VSTM4: variants seen among roughly 807,000 people sequenced by gnomAD.
VSTM4 encodes the protein V-set and transmembrane domain-containing protein 4.
Under a neutral mutation model 36.4 loss-of-function variants are expected in VSTM4, and 20 were observed. The observed-to-expected ratio is 0.55, with a 90% CI of 0.39 to 0.80. The LOEUF (loss-of-function observed/expected upper bound fraction) is 0.80, where lower values mean the gene tolerates loss of function less well. Among genes scored for constraint, VSTM4 ranks in the 30% least tolerant of loss-of-function variants. The pLI, the probability that VSTM4 is intolerant of heterozygous loss-of-function variation, is 0.00. For missense variants in VSTM4, 392 were observed against 404.5 expected, an observed-to-expected ratio of 0.97 and a Z score of 0.26; for synonymous variants, 182 against 173.9, an observed-to-expected ratio of 1.05 and a Z score of -0.37.
chr10:49,096,688 C>T (rs1000900225), intron 2 of VSTM4, among the ~76,000 whole-genome samples: 22 of 141,702 alleles, frequency 1.6e-4, no homozygotes, highest in African/African-American at 3.6e-4. Flanking sequence ...GAGTTTTGCT[C>T]TTGTTGCCCA....
intron 7 of VSTM4, 151 bp from the exon 8 acceptor site, chr10:49,019,926 A>C: frequency 1.0e-6 from 1 of 997,568 alleles, no homozygotes. Context: ...CATAATATCC[A>C]ATAACATAAT....
At chr10:49,073,965 C>T (rs1230545005) in intron 4 of VSTM4, among the ~76,000 whole-genome samples, 1 of 152,214 alleles carries the variant, frequency 6.6e-6, no homozygotes, top group Non-Finnish European at 1.5e-5. Flanking sequence ...TCATTAAAAA[C>T]CCTACCAACA....
intron 2 of VSTM4, among the ~76,000 whole-genome samples, chr10:49,099,278 G>A (rs181411255): frequency 1.1e-4 from 17 of 152,304 alleles, no homozygotes; most frequent in South Asian, 4.1e-4. Flanking sequence ...GAATCCTTTC[G>A]CAGAGAGAGC....
chr10:49,055,699 G>A (rs1162826817), intron 5 of VSTM4, among the ~76,000 whole-genome samples: 1 of 152,190 alleles, frequency 6.6e-6, no homozygotes, highest in Non-Finnish European at 1.5e-5. Context: ...CATATGCCAG[G>A]AGCTGCTTAA....
chr10:49,096,262 C>T (rs1040935713), intron 2 of VSTM4, among the ~76,000 whole-genome samples: 6 of 152,224 alleles, frequency 3.9e-5, no homozygotes, highest in Non-Finnish European at 8.8e-5. Flanking sequence ...AATTTCCTCT[C>T]ACACTTTGGG....
At chr10:49,063,335 CAT>C (rs1195140849) in intron 5 of VSTM4, among the ~76,000 whole-genome samples, 2 of 152,104 alleles carry the variant, frequency 1.3e-5, no homozygotes. Flanking sequence ...AACTCCATCT[CAT>C]AGAAAGAAAA....
chr10:49,097,488 A>G (rs1255013797), intron 2 of VSTM4, among the ~76,000 whole-genome samples: 2 of 152,182 alleles, frequency 1.3e-5, no homozygotes, highest in Non-Finnish European at 2.9e-5. Flanking sequence ...AATGTCTTAG[A>G]CTTGGGGACA....
intron 4 of VSTM4, among the ~76,000 whole-genome samples, chr10:49,074,600 G>A (rs1844140483): frequency 6.6e-6 from 1 of 152,186 alleles, no homozygotes; most frequent in African/African-American, 2.4e-5. Context: ...TCCATCCTTG[G>A]CCCCACAGTG....
chr10:49,022,236 T>C (rs1843192748), intron 7 of VSTM4, among the ~76,000 whole-genome samples: 3 of 152,238 alleles, frequency 2.0e-5, no homozygotes, highest in Non-Finnish European at 1.5e-5. Context: ...CTGCTCTTTA[T>C]AAGGATGTCA....
intron 4 of VSTM4, among the ~76,000 whole-genome samples, chr10:49,067,884 G>A (rs1371203095): frequency 2.0e-5 from 3 of 152,074 alleles, no homozygotes; most frequent in African/African-American, 4.8e-5. Context: ...ACCGAAATCC[G>A]AAGATGCTCA....
At chr10:49,071,957 G>A (rs1288754657) in intron 4 of VSTM4, among the ~76,000 whole-genome samples, 1 of 152,230 alleles carries the variant, frequency 6.6e-6, no homozygotes, top group African/African-American at 2.4e-5. Flanking sequence ...GTTCTCAGTA[G>A]TGTATAGATG....
chr10:49,042,997 C>G (rs1178210683), intron 7 of VSTM4, among the ~76,000 whole-genome samples: 2 of 152,094 alleles, frequency 1.3e-5, no homozygotes, highest in African/African-American at 4.8e-5. Context: ...GGCCCTGACA[C>G]AGGAACATGC....
chr10:49,052,275 C>T (rs2246238), intron 5 of VSTM4, among the ~76,000 whole-genome samples: 143,587 of 152,270 alleles, frequency 0.94, 68,277 homozygotes, highest in East Asian at 1. Context: ...CTTAACACCA[C>T]TTGTCAATTT....
At chr10:49,095,330 C>T (rs889623311) in intron 2 of VSTM4, among the ~76,000 whole-genome samples, 3 of 152,126 alleles carry the variant, frequency 2.0e-5, no homozygotes, top group African/African-American at 7.2e-5. Flanking sequence ...GCTTGGATCA[C>T]TCATTCACTC....
At chr10:49,081,809 C>T (rs536636756) in intron 3 of VSTM4, among the ~76,000 whole-genome samples, 1 of 152,354 alleles carries the variant, frequency 6.6e-6, no homozygotes, top group South Asian at 2.1e-4. Flanking sequence ...GTCATGGCCA[C>T]TCTCTGTTTT....
chr10:49,027,491 G>C (rs887988109), intron 7 of VSTM4, among the ~76,000 whole-genome samples: 1 of 152,032 alleles, frequency 6.6e-6, no homozygotes, highest in Admixed American at 6.6e-5. Flanking sequence ...ATTGAGTTTT[G>C]AGGTGCCCAG....
At chr10:49,050,854 T>C (rs1184253491) in intron 5 of VSTM4, among the ~76,000 whole-genome samples, 2 of 152,236 alleles carry the variant, frequency 1.3e-5, no homozygotes, top group Non-Finnish European at 2.9e-5. Flanking sequence ...ATAAATATTT[T>C]CACTCTTTTT....
chr10:49,054,988 T>C (rs1345029629), intron 5 of VSTM4, among the ~76,000 whole-genome samples: 1 of 152,212 alleles, frequency 6.6e-6, no homozygotes, highest in Non-Finnish European at 1.5e-5. Context: ...AACACTTCTT[T>C]GAGGTCTGTT....
chr10:49,081,567 T>C lies in VSTM4; in HGVS notation c.527-4241A>G, dbSNP rs1844279189. Among the ~76,000 whole-genome samples the C allele has an allele frequency of 1.3e-5, 2 of 152,248 alleles. 1 individual carries two copies. The highest frequency in any genetic ancestry group is 4.1e-4 in the South Asian group (2 of 4,838). ...TGCTGCAGACATTTGGGGCACACTC[T>C]GCCCAGGCAGGAGGTCAGGGGCTTC... On this transcript the variant is annotated intron_variant, in intron 3 of 7. Transcript: ENST00000332853.
Sources: gnomAD v4.1 joint callset for allele counts (sites outside exome capture counted in the v4.1 genomes callset) on GRCh38, gnomAD v4.1.1 for gene constraint, MANE v1.5 for transcripts, NCBI Gene and HGNC (gene_info 2026-07-23, HGNC 2026-07-21) for gene names.